SYN3: variants seen among roughly 807,000 people sequenced by gnomAD.
SYN3 encodes synapsin-3.
A neutral mutation model predicts 65.8 loss-of-function variants in SYN3; 35 were observed. The ratio of observed to expected loss-of-function variants is 0.53; its 90% CI spans 0.41 to 0.70. The LOEUF (loss-of-function observed/expected upper bound fraction) is 0.70. Ranked by LOEUF, SYN3 falls within the 30% of genes least tolerant of loss-of-function variation. The pLI, the probability that SYN3 is intolerant of heterozygous loss-of-function variation, is 0.00. For missense variants in SYN3, 680 were observed against 749.0 expected, an observed-to-expected ratio of 0.91 and a Z score of 1.08; for synonymous variants, 270 against 292.9, an observed-to-expected ratio of 0.92 and a Z score of 0.80.
intron 6 of SYN3, among the ~76,000 whole-genome samples, chr22:32,626,796 G>A (rs1039997898): frequency 6.6e-6 from 1 of 152,212 alleles, no homozygotes; most frequent in Non-Finnish European, 1.5e-5. Flanking sequence ...ATCCTAGGGT[G>A]ACAAAGCTGT....
intron 4 of SYN3, among the ~76,000 whole-genome samples, chr22:32,896,997 C>T (rs1008081227): frequency 4.6e-5 from 7 of 152,152 alleles, no homozygotes; most frequent in Non-Finnish European, 8.8e-5. Flanking sequence ...GGACTTTAAC[C>T]TACGTCTCTC....
chr22:32,581,562 A>G (rs1457419293), intron 7 of SYN3, among the ~76,000 whole-genome samples: 2 of 152,190 alleles, frequency 1.3e-5, no homozygotes, highest in Non-Finnish European at 2.9e-5. Flanking sequence ...ATGGTCCCCT[A>G]TACAGAGAGG....
chr22:32,822,253 G>A lies in SYN3; in HGVS notation c.711+42662C>T, dbSNP rs551963029. Among the ~76,000 whole-genome samples the A allele has an allele frequency of 2.6e-5, 4 of 151,556 alleles. No homozygotes were observed. The South Asian group carries it at 6.3e-4, about 24-fold the overall frequency. On this transcript the variant is annotated intron_variant, in intron 6 of 13. Transcript: ENST00000358763. ...GGCTCCTGTGCCCAAAGTCTTCCTC[G>A]CTGTCTCTGGGTATGTTCACAGGGT...
intron 6 of SYN3, among the ~76,000 whole-genome samples, chr22:32,769,191 A>C (rs558391316): frequency 2.4e-4 from 36 of 151,820 alleles, no homozygotes; most frequent in Admixed American, 2.2e-3. Context: ...ATCAATTACC[A>C]CCCATTTCCC....
intron 6 of SYN3, among the ~76,000 whole-genome samples, chr22:32,803,162 G>C (rs543566384): frequency 1.3e-5 from 2 of 152,292 alleles, no homozygotes; most frequent in East Asian, 3.9e-4. Flanking sequence ...GTGTGTGTGT[G>C]TGCACTGGGC....
intron 6 of SYN3, among the ~76,000 whole-genome samples, chr22:32,688,509 G>A (rs2060621934): frequency 6.6e-6 from 1 of 152,074 alleles, no homozygotes; most frequent in South Asian, 2.1e-4. Flanking sequence ...GATCCTCTCT[G>A]TCTGCTGCTT....
intron 6 of SYN3, among the ~76,000 whole-genome samples, chr22:32,806,979 A>G (rs2046758668): frequency 6.6e-6 from 1 of 151,838 alleles, no homozygotes; most frequent in African/African-American, 2.4e-5. Flanking sequence ...GGAATACCAC[A>G]TAATACCACA....
chr22:32,962,803 TCTATCTATCTATCTATC>T (rs1007476295), intron 3 of SYN3, among the ~76,000 whole-genome samples: 1 of 9,488 alleles, frequency 1.1e-4, no homozygotes, highest in African/African-American at 8.2e-4. Flanking sequence ...AGTATCGGCA[TCTATCTATCTATCTATC>T]TATCTATCTA....
chr22:33,035,876 C>T (rs1386105192), intron 1 of SYN3, among the ~76,000 whole-genome samples: 1 of 152,206 alleles, frequency 6.6e-6, no homozygotes, highest in African/African-American at 2.4e-5. Flanking sequence ...AGCCACAGCA[C>T]CAGCCTAAGT....
chr22:32,771,661 C>A (rs780399324), intron 6 of SYN3, among the ~76,000 whole-genome samples: 5 of 152,208 alleles, frequency 3.3e-5, no homozygotes, highest in African/African-American at 7.2e-5. Context: ...ATTCGGTGTA[C>A]ATGACTGGCC....
intron 6 of SYN3, among the ~76,000 whole-genome samples, chr22:32,662,136 T>A (rs1309634141): frequency 6.6e-6 from 1 of 152,182 alleles, no homozygotes; most frequent in Non-Finnish European, 1.5e-5. Flanking sequence ...CTCTGTAGCA[T>A]GTGAATTAAT....
intron 7 of SYN3, among the ~76,000 whole-genome samples, chr22:32,570,560 C>T (rs3788460): frequency 7.8e-6 from 1 of 128,480 alleles, no homozygotes; most frequent in African/African-American, 3.1e-5. Flanking sequence ...GTAGTAGGGT[C>T]GGGGGAGGAG....
At chr22:32,524,034 G>C (rs924216359) in intron 12 of SYN3, among the ~76,000 whole-genome samples, 2 of 152,246 alleles carry the variant, frequency 1.3e-5, no homozygotes, top group Non-Finnish European at 1.5e-5. Context: ...TCCTATGAAG[G>C]CTGAGAGAGG....
At chr22:32,728,314 A>G (rs941630160) in intron 6 of SYN3, among the ~76,000 whole-genome samples, 26 of 152,276 alleles carry the variant, frequency 1.7e-4, no homozygotes, top group African/African-American at 5.8e-4. Flanking sequence ...TTAATTGCCT[A>G]TTTCTCCAGC....
At chr22:32,551,934 G>A (rs576327880) in intron 7 of SYN3, among the ~76,000 whole-genome samples, 1 of 152,328 alleles carries the variant, frequency 6.6e-6, no homozygotes, top group South Asian at 2.1e-4. Flanking sequence ...CAGCGGTGAT[G>A]CTTCCACCTT....
intron 4 of SYN3, among the ~76,000 whole-genome samples, chr22:32,876,682 G>GA (rs2048992632): frequency 1.3e-5 from 2 of 151,092 alleles, no homozygotes; most frequent in Admixed American, 6.6e-5. Flanking sequence ...AATGGAAAAT[G>GA]AAACAGTGGA....
intron 6 of SYN3, among the ~76,000 whole-genome samples, chr22:32,657,251 G>A (rs1246699918): frequency 6.6e-6 from 1 of 152,106 alleles, no homozygotes; most frequent in Non-Finnish European, 1.5e-5. Flanking sequence ...AGCCTCCTGA[G>A]TAGCTGGGAC....
intron 1 of SYN3, among the ~76,000 whole-genome samples, chr22:33,021,763 A>G (rs2145862585): frequency 6.8e-6 from 1 of 147,110 alleles, no homozygotes; most frequent in Middle Eastern, 3.5e-3. Context: ...ACCATCTTCT[A>G]TAAACTATAT....
rs915351125 is a variant in SYN3, at chr22:32,518,418, G to C, written c.1319-84C>G. ...TGTACACAAATAATGTTGCTTCAAG[G>C]ATGTTCATTACAGTGTTTCTTATAA... On this transcript the variant is annotated intron_variant, in intron 12 of 13. Transcript: ENST00000358763. The C allele has an allele frequency of 6.6e-6, 10 of 1,511,100 alleles. No homozygotes were observed. The African/African-American group carries it at 1.1e-4, about 17-fold the overall frequency. The allele number at this position is 1,511,100 out of a possible 1,614,324, so 93.6% of individuals were successfully genotyped here. A position where few individuals can be genotyped will look rare whatever the true frequency, so the allele number is the denominator to read the frequency against.
Sources: gnomAD v4.1 joint callset for allele counts (sites outside exome capture counted in the v4.1 genomes callset) on GRCh38, gnomAD v4.1.1 for gene constraint, MANE v1.5 for transcripts, NCBI Gene and HGNC (gene_info 2026-07-23, HGNC 2026-07-21) for gene names.